The following DNAH8 variants were observed in gnomAD, a reference collection of about 807,000 sequenced individuals.
DNAH8 encodes the protein axonemal beta dynein heavy chain 8.
In DNAH8, 382 loss-of-function variants were observed where a neutral mutation model predicts 562.1. The observed-to-expected ratio is 0.68, with a 90% CI of 0.63 to 0.74. The LOEUF is 0.74. DNAH8 is among the 30% of genes least tolerant of loss of function. The probability of loss-of-function intolerance (pLI) is 0.00; values close to 1 mark genes in which losing one functional copy is unlikely to be tolerated. For synonymous variants in DNAH8, 1,881 were observed against 1,919.4 expected, an observed-to-expected ratio of 0.98 and a Z score of 0.52; for missense variants, 5,203 against 5,620.4, an observed-to-expected ratio of 0.93 and a Z score of 2.37.
chr6:38,860,640 C>A lies in DNAH8; in HGVS notation c.6131+11C>A. On this transcript the variant is annotated intron_variant, in intron 43 of 92. Coordinates refer to ENST00000327475, the MANE Select transcript of DNAH8 (RefSeq NM_001206927.2). ...TCCATTAACAGATAGGTAGGAAACC[C>A]AGTTTTCGTTTTTTATTTTGTAATT... 1.4e-6 allele frequency: 2 copies of A among 1,477,514 alleles called. No homozygotes were observed. The highest frequency in any genetic ancestry group is 1.8e-6 in the Non-Finnish European group (2 of 1,123,104). The allele number at this position is 1,477,514 out of a possible 1,614,324, so 91.5% of individuals were successfully genotyped here.
intron 88 of DNAH8, among the ~76,000 whole-genome samples, chr6:38,990,882 A>G (rs1331143904): frequency 6.6e-6 from 1 of 152,196 alleles, no homozygotes; most frequent in Admixed American, 6.5e-5. Context: ...AATCCTTTGG[A>G]ATGGACCGCA....
In DNAH8 at chr6:38,742,624, T is replaced by C. The variant is rs184186677; in HGVS notation, c.1293+737T>C. ...GCTTCTTTTTCTTTCTTTCTTTAAATGTATTTCTTTCTTTGCACAGAAAAA... is the reference window on the plus strand; with the variant it reads ...GCTTCTTTTTCTTTCTTTCTTTAAACGTATTTCTTTCTTTGCACAGAAAAA... On this transcript the variant is annotated intron_variant, in intron 8 of 92. Transcript: ENST00000327475. Among the ~76,000 whole-genome samples, 260 of 152,212 alleles carry C rather than the reference T, an allele frequency of 1.7e-3. 1 individual carries two copies. Among genetic ancestry groups the C allele is most frequent in the African/African-American group, 6.0e-3 (247 of 41,512 alleles).
Position 38,842,472 on chromosome 6 carries a change from AAATT to A in DNAH8, c.4575_4578del (p.Ile1525MetfsTer43), listed in dbSNP as rs751220556. 9 of 1,612,724 alleles carry A rather than the reference AAATT, an allele frequency of 5.6e-6. No homozygotes were observed. ...CTTTGGGGAGATGTAGATATTGAAA[AAATT>A]AATGCAGAACTGCTGGAATTTCAAA... is the stretch of plus-strand genomic sequence containing the variant. On this transcript the variant is annotated frameshift_variant, in exon 34 of 93. Coordinates refer to ENST00000327475, the MANE Select transcript of DNAH8 (RefSeq NM_001206927.2). LOFTEE classifies it high-confidence loss of function.
chr6:38,770,363 T>C, intron 11 of DNAH8, 50 bp from the exon 12 acceptor site: 3 of 1,311,966 alleles, frequency 2.3e-6, no homozygotes, highest in Non-Finnish European at 3.1e-6. Context: ...TTTCGATTCC[T>C]GAACAAATGT....
chr6:38,866,768 G>A lies in DNAH8; in HGVS notation c.6586-1G>A. 1 of 1,607,216 alleles carries A rather than the reference G, an allele frequency of 6.2e-7. No homozygotes were observed. The highest frequency in any genetic ancestry group is 8.5e-7 in the Non-Finnish European group (1 of 1,176,212). ...AAAAAACTCACTATATTAATTTTCAGATCATTATGAGAGTTAAACTTGCAA... is the reference window on the plus strand; with the variant it reads ...AAAAAACTCACTATATTAATTTTCAAATCATTATGAGAGTTAAACTTGCAA... On this transcript the variant is annotated splice_acceptor_variant, in intron 46 of 92. Transcript: ENST00000327475. LOFTEE classifies it high-confidence loss of function.
At position 38,788,482 on chromosome 6, in the gene DNAH8, G is replaced by A. The variant is rs74736542; in HGVS notation, c.2584-1321G>A. Among the ~76,000 whole-genome samples, 46 of 152,240 alleles carry A rather than the reference G, an allele frequency of 3.0e-4. 1 individual carries two copies. In the East Asian group the frequency reaches 8.7e-3, roughly 29 times the overall value. On this transcript the variant is annotated intron_variant, in intron 18 of 92. Transcript: ENST00000327475. ...TGTCATTTTTATGATAGCCCTCCTGGTGAGTGTGAGGTGGTATCTCCTTTT... is the reference window on the plus strand; with the variant it reads ...TGTCATTTTTATGATAGCCCTCCTGATGAGTGTGAGGTGGTATCTCCTTTT...
chr6:38,964,406 G>A (rs1304342462), intron 82 of DNAH8, among the ~76,000 whole-genome samples: 3 of 136,908 alleles, frequency 2.2e-5, no homozygotes, highest in African/African-American at 8.1e-5. Context: ...GGGCAGAGGG[G>A]CTCCTCACTT....
intron 21 of DNAH8, among the ~76,000 whole-genome samples, chr6:38,795,356 G>T (rs1770135395): frequency 6.6e-6 from 1 of 152,182 alleles, no homozygotes; most frequent in Non-Finnish European, 1.5e-5. Flanking sequence ...GAGGCAGGTG[G>T]ATCACGAGGT....
intron 26 of DNAH8, 143 bp downstream of exon 26, chr6:38,815,800 T>A: frequency 4.1e-6 from 3 of 738,506 alleles, no homozygotes; most frequent in Non-Finnish European, 4.1e-6. Flanking sequence ...TGCAGGCATT[T>A]TTTCCTGGCT....
chr6:38,866,832 T>C lies in DNAH8; in HGVS notation c.6649T>C (p.Phe2217Leu). The C allele has an allele frequency of 6.2e-7, 1 of 1,613,186 alleles. No homozygotes were observed. Among genetic ancestry groups the C allele is most frequent in the Non-Finnish European group, 8.5e-7 (1 of 1,179,480 alleles). The change falls in exon 47 of 93, where the codon TTT becomes CTT. Residue 2217 changes from phenylalanine to leucine, a missense_variant. Phe to Leu is a conservative substitution (Grantham distance 22). This residue lies in a region of DNAH8 where 2,176 missense variants were observed against 2,365.1 expected (regional missense o/e 0.92). Coordinates refer to ENST00000327475, the MANE Select transcript of DNAH8 (RefSeq NM_001206927.2). ...FLENVILAQKFYVLYKLCEEQ... is the reference protein window; with the variant it reads ...FLENVILAQKLYVLYKLCEEQ... ...TGAAAATGTTATCTTGGCTCAAAAA[T>C]TTTACGTTCTTTACAAACTCTGTGA...
intron 4 of DNAH8, among the ~76,000 whole-genome samples, chr6:38,732,724 G>C (rs970255314): frequency 3.3e-5 from 5 of 151,820 alleles, no homozygotes; most frequent in Non-Finnish European, 7.4e-5. Flanking sequence ...TTATATTCTT[G>C]TAGAGTCTAA....
intron 1 of DNAH8, 47 bp from the exon 2 acceptor site, chr6:38,722,729 A>T: frequency 7.0e-7 from 1 of 1,424,870 alleles, no homozygotes; most frequent in Non-Finnish European, 9.3e-7. Context: ...AAAACGTACA[A>T]CACTCAATTT....
intron 8 of DNAH8, among the ~76,000 whole-genome samples, chr6:38,743,787 G>A (rs946320098): frequency 1.3e-5 from 2 of 152,068 alleles, no homozygotes; most frequent in African/African-American, 4.8e-5. Flanking sequence ...CATTTGGGTT[G>A]TCCCTGTTTT....
chr6:38,732,268 G>A (rs1281661482), intron 4 of DNAH8, among the ~76,000 whole-genome samples: 1 of 152,132 alleles, frequency 6.6e-6, no homozygotes, highest in East Asian at 1.9e-4. Context: ...TCTTCATCAG[G>A]AAAACTTAAG....
intron 38 of DNAH8, 66 bp downstream of exon 38, chr6:38,850,480 A>C: frequency 7.1e-7 from 1 of 1,410,042 alleles, no homozygotes; most frequent in Non-Finnish European, 9.8e-7. Flanking sequence ...CAAACTTACT[A>C]GTATTGACTA....
chr6:38,971,635 T>A lies in DNAH8; in HGVS notation c.12495T>A (p.Ala4165=), dbSNP rs773040466. Residue 4165 remains alanine (A), a synonymous_variant, in exon 83 of 93, where the codon GCT becomes GCA. Coordinates refer to ENST00000327475, the MANE Select transcript of DNAH8 (RefSeq NM_001206927.2). ...TGGGGCAAGGACAAGAAGTACATGC[T>A]CGAAAGCTGATTCAGATGTCAATGC... ...ISMGQGQEVH[A]RKLIQMSMQQ... The A allele has an allele frequency of 1.7e-5, 28 of 1,603,348 alleles. No homozygotes were observed. Among genetic ancestry groups the A allele is most frequent in the Non-Finnish European group, 4.3e-6 (5 of 1,175,532 alleles).
chr6:38,938,374 AG>A, intron 78 of DNAH8, 148 bp downstream of exon 78: 2 of 914,292 alleles, frequency 2.2e-6, no homozygotes, highest in Admixed American at 2.5e-5. Context: ...GATAAAGAAA[AG>A]GTGGTACATA....
chr6:38,970,625 G>A (rs1015920417), intron 82 of DNAH8, among the ~76,000 whole-genome samples: 1 of 152,136 alleles, frequency 6.6e-6, no homozygotes, highest in African/African-American at 2.4e-5. Flanking sequence ...TCCTGACAGT[G>A]TCTCTGGTTT....
At chr6:38,928,553 A>C (rs1414718030) in intron 74 of DNAH8, among the ~76,000 whole-genome samples, 1 of 152,108 alleles carries the variant, frequency 6.6e-6, no homozygotes, top group Non-Finnish European at 1.5e-5. Flanking sequence ...TTTTTTAGTT[A>C]TTTCCTTTTT....
Sources: gnomAD v4.1 joint callset for allele counts (sites outside exome capture counted in the v4.1 genomes callset) on GRCh38, gnomAD v4.1.1 for gene constraint, gnomAD v4.1.1 regional missense constraint, MANE v1.5 for transcripts, NCBI Gene and HGNC (gene_info 2026-07-23, HGNC 2026-07-21) for gene names.